ACOX2: variants seen among roughly 807,000 people sequenced by gnomAD.
ACOX2 encodes peroxisomal acyl-coenzyme A oxidase 2.
A neutral mutation model predicts 77.5 loss-of-function variants in ACOX2; 59 were observed. That is an observed-to-expected ratio of 0.76 (90% CI 0.62 to 0.95). ACOX2 has a LOEUF of 0.95. Ranked by LOEUF, ACOX2 falls within the 40% of genes least tolerant of loss-of-function variation. The pLI is 0.00. For synonymous variants in ACOX2, 317 were observed against 340.1 expected, an observed-to-expected ratio of 0.93 and a Z score of 0.75; for missense variants, 837 against 880.4, an observed-to-expected ratio of 0.95 and a Z score of 0.62.
rs577685807 is a variant in ACOX2 at position 58,523,755 on chromosome 3, C to T, written c.1526+671G>A. ...TCAGCCACCATGCCCAGCCTGTTTTCGGTGTTTTAATTTGGGGGCAGCATT... is the reference window on the plus strand; with the variant it reads ...TCAGCCACCATGCCCAGCCTGTTTTTGGTGTTTTAATTTGGGGGCAGCATT... On this transcript the variant is annotated intron_variant, in intron 11 of 14. Coordinates refer to ENST00000302819, the MANE Select transcript of ACOX2 (RefSeq NM_003500.4). This position sits in a 1 kb window ranked among gnomAD's most constrained non-coding sequence, Gnocchi z 5.3. 1.6e-4 allele frequency among the ~76,000 whole-genome samples: 25 copies of T among 152,102 alleles called. No homozygotes were observed. The highest frequency in any genetic ancestry group is 5.3e-4 in the African/African-American group (22 of 41,500).
rs1200047941 is a variant in ACOX2, at chr3:58,514,711, T to C, written c.1850+2495A>G. ...TCTGGGCTGTCTGTCTTGTCTTGAATTGTAAGTTTCTGGAGCCAAGGCAAG... is the reference window on the plus strand; with the variant it reads ...TCTGGGCTGTCTGTCTTGTCTTGAACTGTAAGTTTCTGGAGCCAAGGCAAG... On this transcript the variant is annotated intron_variant, in intron 13 of 14. Coordinates refer to ENST00000302819, the MANE Select transcript of ACOX2 (RefSeq NM_003500.4). The surrounding 1 kb of genome is among the most constrained non-coding windows in gnomAD (Gnocchi z 4.3). Among the ~76,000 whole-genome samples, 1 of 152,218 alleles carries C rather than the reference T, an allele frequency of 6.6e-6. No homozygotes were observed. Among genetic ancestry groups the C allele is most frequent in the East Asian group, 1.9e-4 (1 of 5,194 alleles).
chr3:58,530,817 C>T (rs1250789235), intron 7 of ACOX2, among the ~76,000 whole-genome samples, 179 bp from the exon 8 acceptor site: 1 of 152,220 alleles, frequency 6.6e-6, no homozygotes, highest in African/African-American at 2.4e-5. Context: ...CAGTGCCTCT[C>T]CTGGGACACC....
intron 13 of ACOX2, among the ~76,000 whole-genome samples, chr3:58,516,269 C>T (rs1246831930): frequency 6.6e-6 from 1 of 152,132 alleles, no homozygotes; most frequent in East Asian, 1.9e-4. Flanking sequence ...TTTGCTTAAG[C>T]ACATTCAACA....
intron 12 of ACOX2, among the ~76,000 whole-genome samples, chr3:58,518,075 C>CAAAAAAAAA (rs763535906): frequency 3.5e-3 from 167 of 47,624 alleles, no homozygotes; most frequent in East Asian, 7.4e-3. Context: ...AACTCCATCT[C>CAAAAAAAAA]AAAAAAAAAA....
intron 13 of ACOX2, among the ~76,000 whole-genome samples, chr3:58,513,119 C>T (rs954110368): frequency 5.9e-5 from 9 of 152,138 alleles, no homozygotes; most frequent in African/African-American, 1.9e-4. Context: ...TGTAGCTCCC[C>T]CTCCTCCCTA....
rs2063310800 is a variant in ACOX2, at chr3:58,514,861, G to C, written c.1850+2345C>G. 6.6e-6 allele frequency among the ~76,000 whole-genome samples: 1 copy of C among 152,268 alleles called. No individual in the cohort carries two copies. The highest frequency in any genetic ancestry group is 1.9e-4 in the East Asian group (1 of 5,176). ...ATTTTCAAGTGCTTTTAAATTCTGA[G>C]AGTTTCAAAAAGATGGACACCCTTG... On this transcript the variant is annotated intron_variant, in intron 13 of 14. Transcript: ENST00000302819. The surrounding 1 kb of genome is among the most constrained non-coding windows in gnomAD (Gnocchi z 4.3).
At position 58,528,996 on chromosome 3, in the gene ACOX2, T is replaced by C; in HGVS notation, c.993-40A>G. 2 of 1,545,156 alleles carry C rather than the reference T, an allele frequency of 1.3e-6. No individual in the cohort carries two copies. The highest frequency in any genetic ancestry group is 1.7e-6 in the Non-Finnish European group (2 of 1,143,346). ...ACCAGAAGATTTAGATCACTACCTG[T>C]TGTGTCCACCTTCCCCTATCCCCGA... On this transcript the variant is annotated intron_variant, in intron 8 of 14. Coordinates refer to ENST00000302819, the MANE Select transcript of ACOX2 (RefSeq NM_003500.4). This position sits in a 1 kb window ranked among gnomAD's most constrained non-coding sequence, Gnocchi z 5.6.
chr3:58,505,181 T>C lies in ACOX2; in HGVS notation c.*43A>G. The C allele has an allele frequency of 6.5e-7, 1 of 1,531,046 alleles. No individual in the cohort carries two copies. The highest frequency in any genetic ancestry group is 9.0e-7 in the Non-Finnish European group (1 of 1,112,324). The allele number at this position is 1,531,046 out of a possible 1,614,324, so 94.8% of individuals were successfully genotyped here. A position where few individuals can be genotyped will look rare whatever the true frequency, so the allele number is the denominator to read the frequency against. The stretch of plus-strand genomic sequence containing the variant: ...TTGCATATATGCCATAGTACCATTA[T>C]CACATGATGGTGCTGGTTGCTTCTT... On this transcript the variant is annotated 3_prime_UTR_variant, in exon 15 of 15. Coordinates refer to ENST00000302819, the MANE Select transcript of ACOX2 (RefSeq NM_003500.4). This position sits in a 1 kb window ranked among gnomAD's most constrained non-coding sequence, Gnocchi z 4.4.
chr3:58,532,521 G>C (rs2063448402), intron 5 of ACOX2, among the ~76,000 whole-genome samples: 1 of 152,080 alleles, frequency 6.6e-6, no homozygotes, highest in South Asian at 2.1e-4. Context: ...GAGTAGGTGG[G>C]ACTACAGATG....
rs1015468000 is a variant in ACOX2 at position 58,526,360 on chromosome 3, G to A, written c.1346+106C>T. 39 of 1,328,260 alleles carry A rather than the reference G, an allele frequency of 2.9e-5. No individual in the cohort carries two copies. The African/African-American group carries it at 3.4e-4, about 12-fold the overall frequency. 82.3% of individuals were successfully genotyped at this position (1,328,260 alleles called of 1,614,324 possible). A position where few individuals can be genotyped will look rare whatever the true frequency, so the allele number is the denominator to read the frequency against. On this transcript the variant is annotated intron_variant, in intron 10 of 14. Coordinates refer to ENST00000302819, the MANE Select transcript of ACOX2 (RefSeq NM_003500.4). The surrounding 1 kb of genome is among the most constrained non-coding windows in gnomAD (Gnocchi z 4.3). The stretch of plus-strand genomic sequence containing the variant: ...TTGGACAGCTCCCAAATAGCACTTC[G>A]CAAAGCCTGCTCTTTTTATGGGCCT...
intron 13 of ACOX2, among the ~76,000 whole-genome samples, chr3:58,510,649 A>T (rs1560209630): frequency 2.1e-4 from 8 of 38,338 alleles, no homozygotes; most frequent in African/African-American, 5.5e-4. Flanking sequence ...AAAAAAAAAA[A>T]AAAAAAAAAA....
At position 58,512,435 on chromosome 3, in the gene ACOX2, T is replaced by C. The variant is rs1022579037; in HGVS notation, c.1851-3410A>G. On this transcript the variant is annotated intron_variant, in intron 13 of 14. Coordinates refer to ENST00000302819, the MANE Select transcript of ACOX2 (RefSeq NM_003500.4). This position sits in a 1 kb window ranked among gnomAD's most constrained non-coding sequence, Gnocchi z 4.8. ...TAATATGGCAGCTGGAGCAAGCCTT[T>C]AAAAATACACATCAGATTCTTTTAG... Among the ~76,000 whole-genome samples, 5 of 152,230 alleles carry C rather than the reference T, an allele frequency of 3.3e-5. No individual in the cohort carries two copies. The highest frequency in any genetic ancestry group is 3.8e-4 in the East Asian group (2 of 5,198).
In ACOX2 at chr3:58,534,748, G is replaced by C; in HGVS notation, c.160+199C>G. 1.5e-6 allele frequency: 2 copies of C among 1,329,700 alleles called. No individual in the cohort carries two copies. Among genetic ancestry groups the C allele is most frequent in the South Asian group, 2.5e-5 (2 of 80,898 alleles). 82.4% of individuals were successfully genotyped at this position (1,329,700 alleles called of 1,614,324 possible). On this transcript the variant is annotated intron_variant, in intron 2 of 14. Coordinates refer to ENST00000302819, the MANE Select transcript of ACOX2 (RefSeq NM_003500.4). The surrounding 1 kb of genome is among the most constrained non-coding windows in gnomAD (Gnocchi z 4.8). ...AGAATCCAGGTCTTCTGCTGCCTAG[G>C]ACTCTTCTATCCCCTAGGTGGGCTC...
At position 58,511,953 on chromosome 3, in the gene ACOX2, A is replaced by G. The variant is rs147022797; in HGVS notation, c.1851-2928T>C. ...TCCTTATTATCTTGCGAGGGTCTCAAGACTGAGTACTTGGACCTCTTCTCT... is the reference window on the plus strand; with the variant it reads ...TCCTTATTATCTTGCGAGGGTCTCAGGACTGAGTACTTGGACCTCTTCTCT... On this transcript the variant is annotated intron_variant, in intron 13 of 14. Transcript: ENST00000302819. 1.4e-3 allele frequency among the ~76,000 whole-genome samples: 206 copies of G among 152,296 alleles called. 1 individual carries two copies. The highest frequency in any genetic ancestry group is 4.4e-3 in the African/African-American group (182 of 41,556).
Position 58,537,168 on chromosome 3 carries a change from C to T in ACOX2, c.-141G>A, listed in dbSNP as rs1004503192. 2.0e-5 allele frequency: 3 copies of T among 152,572 alleles called. No homozygotes were observed. The highest frequency in any genetic ancestry group is 4.4e-5 in the Non-Finnish European group (3 of 68,340). The allele number at this position is 152,572 out of a possible 1,614,324, so 9.5% of individuals were successfully genotyped here. On this transcript the variant is annotated 5_prime_UTR_variant, in exon 1 of 15. Coordinates refer to ENST00000302819, the MANE Select transcript of ACOX2 (RefSeq NM_003500.4). The stretch of plus-strand genomic sequence containing the variant: ...GCACTGTAGGCCGGGCTGGCCTCTC[C>T]CCGGCTGTAGGCCGCAGCCTCTGGC...
chr3:58,508,844 C>G, intron 14 of ACOX2, 49 bp downstream of exon 14: 1 of 1,605,398 alleles, frequency 6.2e-7, no homozygotes, highest in South Asian at 1.1e-5. Flanking sequence ...GTATTCACTG[C>G]CTGTTCTCTG....
At position 58,534,273 on chromosome 3, in the gene ACOX2, T is replaced by C; in HGVS notation, c.323+87A>G. The C allele has an allele frequency of 6.3e-7, 1 of 1,580,930 alleles. No homozygotes were observed. Among genetic ancestry groups the C allele is most frequent in the Non-Finnish European group, 8.6e-7 (1 of 1,165,026 alleles). On this transcript the variant is annotated intron_variant, in intron 3 of 14. Transcript: ENST00000302819. This position sits in a 1 kb window ranked among gnomAD's most constrained non-coding sequence, Gnocchi z 4.8. Reference sequence around the variant, plus strand: ...GGTTTCCCAACAAGTCTTCCCTTTGTTGGGGGAAATGGCTCATGGGGCTAG... The same window carrying C: ...GGTTTCCCAACAAGTCTTCCCTTTGCTGGGGGAAATGGCTCATGGGGCTAG...
rs751626934 is a variant in ACOX2 at position 58,522,578 on chromosome 3, T to C, written c.1550A>G (p.His517Arg). The change falls in exon 12 of 15, where the codon CAT becomes CGT. Residue 517 changes from histidine (H) to arginine (R), a missense_variant. His to Arg is a conservative substitution (Grantham distance 29). Coordinates refer to ENST00000302819, the MANE Select transcript of ACOX2 (RefSeq NM_003500.4). This position sits in a 1 kb window ranked among gnomAD's most constrained non-coding sequence, Gnocchi z 4.3. ...AVRLIKDSVQ[H>R]LQTLTQSGAD... ...TCCGGATTGCGTCAGGGTCTGTAAA[T>C]GCTGCACTGAGTCCTTTATGAGCCT... The C allele has an allele frequency of 6.2e-6, 10 of 1,614,162 alleles. No homozygotes were observed. The South Asian group carries it at 9.9e-5, about 16-fold the overall frequency.
intron 13 of ACOX2, among the ~76,000 whole-genome samples, chr3:58,510,734 ACACACACT>A (rs1439800220): frequency 2.0e-5 from 2 of 100,248 alleles, no homozygotes; most frequent in East Asian, 3.8e-4. Flanking sequence ...ACACACACAC[ACACACACT>A]CAACGATTTT....
Sources: allele counts gnomAD v4.1 joint callset (sites outside exome capture counted in the v4.1 genomes callset), GRCh38; gene constraint gnomAD v4.1.1; non-coding constraint Gnocchi (gnomAD v3.1); transcripts MANE v1.5; gene names NCBI Gene and HGNC (gene_info 2026-07-23, HGNC 2026-07-21).